ESRRG: variants seen among roughly 807,000 people sequenced by gnomAD.
ESRRG encodes the protein estrogen related receptor gamma, also known as estrogen-related receptor gamma.
ESRRG carries 13 observed loss-of-function variants against 44.0 expected under a neutral mutation model. That is an observed-to-expected ratio of 0.30 (90% CI 0.19 to 0.47). The LOEUF (loss-of-function observed/expected upper bound fraction) is 0.47. Ranked by LOEUF, ESRRG falls within the 20% of genes least tolerant of loss-of-function variation. The pLI is 1.00. For synonymous variants in ESRRG, 215 were observed against 214.6 expected (o/e 1.00, Z -0.02); for missense variants, 395 against 580.6 (o/e 0.68, Z 3.29).
intron 5 of ESRRG, among the ~76,000 whole-genome samples, chr1:216,534,083 T>C (rs530499770): frequency 7.2e-5 from 11 of 151,882 alleles, no homozygotes; most frequent in African/African-American, 2.7e-4. Flanking sequence ...AGATAAACTA[T>C]AAATCTACAC....
intron 1 of ESRRG, among the ~76,000 whole-genome samples, chr1:217,110,490 C>T (rs892705467): frequency 6.6e-6 from 1 of 152,156 alleles, no homozygotes; most frequent in African/African-American, 2.4e-5. Context: ...AAAGAAAAGA[C>T]GTTTACTTGG....
chr1:216,564,051 T>C (rs1310954487), intron 5 of ESRRG, among the ~76,000 whole-genome samples, 168 bp downstream of exon 5: 1 of 152,094 alleles, frequency 6.6e-6, no homozygotes, highest in African/African-American at 2.4e-5. Flanking sequence ...TAATATAAAG[T>C]CTAAGGATTC....
intron 2 of ESRRG, among the ~76,000 whole-genome samples, chr1:216,728,742 C>A (rs2088083802): frequency 6.6e-6 from 1 of 151,640 alleles, no homozygotes; most frequent in Non-Finnish European, 1.5e-5. Context: ...TTTAAAAGCT[C>A]CCTTTTCCTG....
intron 2 of ESRRG, among the ~76,000 whole-genome samples, chr1:216,787,599 CAA>C (rs34433548): frequency 0.12 from 9,051 of 76,300 alleles, 381 homozygotes; most frequent in African/African-American, 0.22. Flanking sequence ...AAGACTCCAT[CAA>C]AAAAAAAAAA....
chr1:216,661,053 G>A (rs2072229125), intron 2 of ESRRG, among the ~76,000 whole-genome samples: 1 of 152,152 alleles, frequency 6.6e-6, no homozygotes, highest in Non-Finnish European at 1.5e-5. Context: ...ATACATTGGT[G>A]AAAATGATGG....
rs371652078 is a variant in ESRRG at position 217,013,165 on chromosome 1, T to C, written c.-105-73492A>G. Among the ~76,000 whole-genome samples the C allele has an allele frequency of 4.9e-4, 75 of 152,372 alleles. No homozygotes were observed. The South Asian group carries it at 0.015, about 30-fold the overall frequency. On this transcript the variant is annotated intron_variant, in intron 1 of 7. Coordinates refer to the ESRRG transcript ENST00000359162. ...ATCCCCAAACGGGATCACATTCCTC[T>C]GTACTGGAGGTTAGGACTCCAAAAT... is the stretch of plus-strand genomic sequence containing the variant.
Position 216,843,213 on chromosome 1 carries a change from G to GT in ESRRG, c.-14+96368dup, listed in dbSNP as rs80001453. ...GAAAGGGGGCTAAGAATCAAATTTT[G>GT]TTTTTTTTTAATATTTTATATGAGA... On this transcript the variant is annotated intron_variant, in intron 2 of 7. Coordinates refer to the ESRRG transcript ENST00000359162. Among the ~76,000 whole-genome samples the GT allele has an allele frequency of 2.4e-3, 336 of 139,836 alleles. 3 individuals are homozygous for GT. The highest frequency in any genetic ancestry group is 0.012 in the East Asian group (62 of 5,050). The allele number at this position is 139,836 out of a possible 152,430, so 91.7% of individuals were successfully genotyped here. A position where few individuals can be genotyped will look rare whatever the true frequency, so the allele number is the denominator to read the frequency against.
At chr1:216,918,263 T>C (rs752168444) in intron 2 of ESRRG, among the ~76,000 whole-genome samples, 4 of 152,208 alleles carry the variant, frequency 2.6e-5, no homozygotes, top group Non-Finnish European at 5.9e-5. Flanking sequence ...ATTCTCATAT[T>C]CTTCATGTTA....
chr1:216,610,808 C>T (rs2150308823), intron 3 of ESRRG, among the ~76,000 whole-genome samples: 1 of 152,014 alleles, frequency 6.6e-6, no homozygotes, highest in Non-Finnish European at 1.5e-5. Context: ...CTCATTTATT[C>T]CTTAGAACAA....
intron 1 of ESRRG, among the ~76,000 whole-genome samples, chr1:216,943,495 T>C (rs1001235278): frequency 6.6e-6 from 1 of 152,226 alleles, no homozygotes; most frequent in African/African-American, 2.4e-5. Flanking sequence ...ATAATATTCC[T>C]GAAACATGGT....
intron 3 of ESRRG, among the ~76,000 whole-genome samples, chr1:216,605,248 G>C (rs2059771200): frequency 6.6e-6 from 1 of 152,144 alleles, no homozygotes; most frequent in Non-Finnish European, 1.5e-5. Flanking sequence ...AGCAGCTGTA[G>C]TAAAACATCT....
chr1:216,843,244 G>T (rs1417516492), intron 2 of ESRRG, among the ~76,000 whole-genome samples: 3 of 151,326 alleles, frequency 2.0e-5, no homozygotes, highest in African/African-American at 7.3e-5. Flanking sequence ...TGAGATTTGT[G>T]AGGCTATTTT....
intron 1 of ESRRG, among the ~76,000 whole-genome samples, chr1:217,074,059 T>C (rs1483482888): frequency 6.6e-6 from 1 of 151,448 alleles, no homozygotes; most frequent in Non-Finnish European, 1.5e-5. Context: ...TTTTTTTTTT[T>C]TTTTTTGAGA....
At chr1:216,713,903 A>G (rs1431418406) in intron 1 of ESRRG, among the ~76,000 whole-genome samples, 2 of 152,176 alleles carry the variant, frequency 1.3e-5, no homozygotes, top group Non-Finnish European at 2.9e-5. Context: ...CATTTCGAAA[A>G]GCTCTCTCAG....
intron 1 of ESRRG, among the ~76,000 whole-genome samples, chr1:217,066,511 G>C (rs958186987): frequency 6.6e-6 from 1 of 151,078 alleles, no homozygotes. Flanking sequence ...AGAGTGCTGG[G>C]ATTACAGGCG....
Position 216,557,000 on chromosome 1 carries a change from T to C in ESRRG, c.862+7219A>G, listed in dbSNP as rs190404893. ...GTCTTGCACAACTACTCACTTCTGC[T>C]CCAATTTACCTATAACTTTCAATCA... On this transcript the variant is annotated intron_variant, in intron 5 of 6. Transcript: ENST00000408911. Among the ~76,000 whole-genome samples the C allele has an allele frequency of 3.2e-4, 49 of 152,274 alleles. No individual in the cohort carries two copies. In the East Asian group the frequency reaches 7.5e-3, roughly 23 times the overall value.
chr1:216,666,856 T>C (rs751693620), intron 2 of ESRRG, among the ~76,000 whole-genome samples: 3 of 152,060 alleles, frequency 2.0e-5, no homozygotes, highest in Non-Finnish European at 1.5e-5. Flanking sequence ...AATACAAACT[T>C]CCTTCTCAAC....
chr1:216,713,471 C>T (rs1253657628), intron 1 of ESRRG, among the ~76,000 whole-genome samples: 1 of 151,722 alleles, frequency 6.6e-6, no homozygotes, highest in East Asian at 1.9e-4. Context: ...CAAGTCTGAT[C>T]AGCTAAGTTT....
intron 1 of ESRRG, among the ~76,000 whole-genome samples, chr1:217,135,304 C>T (rs2093033206): frequency 6.6e-6 from 1 of 152,174 alleles, no homozygotes; most frequent in Admixed American, 6.5e-5. Context: ...CACGCCCACC[C>T]CGCCTCCCAC....
Sources: allele counts gnomAD v4.1 joint callset (sites outside exome capture counted in the v4.1 genomes callset), GRCh38; gene constraint gnomAD v4.1.1; transcripts MANE v1.5; gene names NCBI Gene and HGNC (gene_info 2026-07-23, HGNC 2026-07-21).